EML1: variants seen among roughly 807,000 people sequenced by gnomAD.
The protein encoded by EML1 is EMAP like 1, also known as echinoderm microtubule-associated protein-like 1.
EML1 carries 27 observed loss-of-function variants against 110.4 expected under a neutral mutation model. That is an observed-to-expected ratio of 0.24 (90% CI 0.18 to 0.34). The LOEUF is 0.34. Among genes scored for constraint, EML1 ranks in the 10% least tolerant of loss-of-function variants. The probability of loss-of-function intolerance (pLI) is 1.00; values close to 1 mark genes in which losing one functional copy is unlikely to be tolerated. For missense variants in EML1, 741 were observed against 1,030.9 expected (o/e 0.72, Z 3.85); for synonymous variants, 344 against 385.8 (o/e 0.89, Z 1.27).
intron 1 of EML1, among the ~76,000 whole-genome samples, chr14:99,817,992 G>T (rs1166118592): frequency 6.6e-6 from 1 of 152,174 alleles, no homozygotes; most frequent in Non-Finnish European, 1.5e-5. Context: ...GCCAGTTAAA[G>T]AAGATGGGGG....
chr14:99,821,883 G>T (rs1367553037), intron 1 of EML1, among the ~76,000 whole-genome samples: 3 of 152,230 alleles, frequency 2.0e-5, no homozygotes, highest in Non-Finnish European at 2.9e-5. Flanking sequence ...CAGACCACTG[G>T]CAGGGAATGT....
intron 6 of EML1, 104 bp from the exon 7 acceptor site, chr14:99,897,041 A>T (rs1457397752): frequency 1.2e-5 from 12 of 1,037,842 alleles, no homozygotes; most frequent in Middle Eastern, 2.2e-4. Context: ...AGTGATGCTG[A>T]TGGTAATAGT....
chr14:99,741,175 C>T (rs1034086687), intron 1 of EML1, among the ~76,000 whole-genome samples: 3 of 152,138 alleles, frequency 2.0e-5, no homozygotes, highest in African/African-American at 7.2e-5. Flanking sequence ...GGGCATTTGC[C>T]CTGCTGCAGC....
intron 10 of EML1, among the ~76,000 whole-genome samples, chr14:99,909,050 C>T (rs896982252): frequency 1.3e-5 from 2 of 152,174 alleles, no homozygotes; most frequent in African/African-American, 4.8e-5. Context: ...ATGCTGCATG[C>T]CCACCCCATG....
intron 1 of EML1, among the ~76,000 whole-genome samples, chr14:99,806,567 T>C (rs1291691556): frequency 6.6e-6 from 1 of 152,068 alleles, no homozygotes; most frequent in African/African-American, 2.4e-5. Flanking sequence ...CTGCCCACCT[T>C]GGCCTCCCAA....
At chr14:99,766,234 G>T (rs1021861225) in intron 1 of EML1, among the ~76,000 whole-genome samples, 6 of 135,392 alleles carry the variant, frequency 4.4e-5, no homozygotes, top group African/African-American at 1.6e-4. Flanking sequence ...TCACTCTGTT[G>T]CCCAGGCTGG....
chr14:99,740,698 T>G lies in EML1; in HGVS notation c.28+2838T>G, dbSNP rs536492906. 2.0e-5 allele frequency among the ~76,000 whole-genome samples: 3 copies of G among 152,340 alleles called. No homozygotes were observed. In the South Asian group the frequency reaches 6.2e-4, roughly 32 times the overall value. ...TTTACAGTTGCCTGCATTCTAGGCT[T>G]GGCTCTGTCTCTTCGGGGCAGAGTC... On this transcript the variant is annotated intron_variant, in intron 1 of 10. Coordinates refer to the EML1 transcript ENST00000554479.
rs768839891 is a variant in EML1, at chr14:99,941,198, G to T, written c.*1086G>T. 6.6e-6 allele frequency: 1 copy of T among 152,118 alleles called. No individual in the cohort carries two copies. Among genetic ancestry groups the T allele is most frequent in the Non-Finnish European group, 1.5e-5 (1 of 68,020 alleles). 9.4% of individuals were successfully genotyped at this position (152,118 alleles called of 1,614,324 possible). A position where few individuals can be genotyped will look rare whatever the true frequency, so the allele number is the denominator to read the frequency against. ...GAGGTGGCAGAAATTTGTCAAGAAG[G>T]CCTTATCCATTTCGATTGTGTGACA... On this transcript the variant is annotated 3_prime_UTR_variant, in exon 22 of 22. Coordinates refer to ENST00000262233, the MANE Select transcript of EML1 (RefSeq NM_004434.3).
intron 15 of EML1, among the ~76,000 whole-genome samples, chr14:99,917,309 C>T (rs1444913138): frequency 6.6e-6 from 1 of 152,180 alleles, no homozygotes; most frequent in Admixed American, 6.5e-5. Context: ...ATGGCTTACA[C>T]CTATAATCCC....
chr14:99,937,753 A>G, intron 19 of EML1, 64 bp from the exon 20 acceptor site: 1 of 1,476,656 alleles, frequency 6.8e-7, no homozygotes, highest in Non-Finnish European at 9.4e-7. Context: ...CTGGGGGCTC[A>G]GCCTTGCTTA....
intron 1 of EML1, among the ~76,000 whole-genome samples, chr14:99,797,361 T>C (rs1012452539): frequency 3.9e-5 from 6 of 152,200 alleles, no homozygotes; most frequent in African/African-American, 1.4e-4. Context: ...ATGGGTTATT[T>C]GGGTTATTTC....
intron 1 of EML1, among the ~76,000 whole-genome samples, chr14:99,825,578 C>T (rs1414562246): frequency 6.6e-6 from 1 of 152,142 alleles, no homozygotes; most frequent in Non-Finnish European, 1.5e-5. Context: ...GCCTTATGTT[C>T]ACCTCTCTTC....
In EML1 at chr14:99,937,911, T is replaced by G; in HGVS notation, c.2190T>G (p.Phe730Leu). Residue 730 changes from phenylalanine to leucine, a missense_variant and splice_region_variant, in exon 20 of 22, where the codon TTT (phenylalanine) becomes TTG (leucine). By Grantham distance (22) the Phe-to-Leu change is conservative (BLOSUM62 0). This residue lies in a region of EML1 where 114 missense variants were observed against 122.5 expected (regional missense o/e 0.93). Transcript: ENST00000262233. Reference sequence around the variant, plus strand: ...CCTGCACTTTGGGATTCCATGTTTTTGGTAAGTTTGCTGCAGATTTCACTG... The same window carrying G: ...CCTGCACTTTGGGATTCCATGTTTTGGGTAAGTTTGCTGCAGATTTCACTG... The part of the protein sequence containing the change: ...TYTCTLGFHV[F>L]GVWPEGSDGT... 2 of 1,613,866 alleles carry G rather than the reference T, an allele frequency of 1.2e-6. No individual in the cohort carries two copies. The highest frequency in any genetic ancestry group is 1.1e-5 in the South Asian group (1 of 91,058).
At chr14:99,741,741 G>GC (rs2057045068) in intron 1 of EML1, among the ~76,000 whole-genome samples, 1 of 151,790 alleles carries the variant, frequency 6.6e-6, no homozygotes, top group Non-Finnish European at 1.5e-5. Flanking sequence ...AGAAGGCCTC[G>GC]CCCCCCAATT....
At position 99,781,783 on chromosome 14, in the gene EML1, C is replaced by T. The variant is rs1394911720; in HGVS notation, c.-27+7770C>T. On this transcript the variant is annotated intron_variant, in intron 1 of 22. Coordinates refer to the EML1 transcript ENST00000327921. The surrounding 1 kb of genome is among the most constrained non-coding windows in gnomAD (Gnocchi z 4.2). Reference sequence around the variant, plus strand: ...TTGACATTAACAGAGCTGGATGTCTCATCAGTTTCCAGACATACTGAGTAT... The same window carrying T: ...TTGACATTAACAGAGCTGGATGTCTTATCAGTTTCCAGACATACTGAGTAT... Among the ~76,000 whole-genome samples the T allele has an allele frequency of 1.3e-5, 2 of 152,138 alleles. No individual in the cohort carries two copies. Among genetic ancestry groups the T allele is most frequent in the Non-Finnish European group, 2.9e-5 (2 of 68,028 alleles).
chr14:99,790,005 A>T (rs1348372742), upstream of EML1, among the ~76,000 whole-genome samples: 1 of 151,976 alleles, frequency 6.6e-6, no homozygotes, highest in Non-Finnish European at 1.5e-5. Context: ...TACCTAAGTG[A>T]CTTAACATGC....
chr14:99,902,451 C>T (rs528544675), intron 9 of EML1, among the ~76,000 whole-genome samples: 30 of 152,258 alleles, frequency 2.0e-4, no homozygotes, highest in South Asian at 1.2e-3. Flanking sequence ...AACTTAAAAA[C>T]GACTGATGAA....
At chr14:99,817,963 G>A (rs956540310) in intron 1 of EML1, among the ~76,000 whole-genome samples, 3 of 152,168 alleles carry the variant, frequency 2.0e-5, no homozygotes, top group South Asian at 2.1e-4. Context: ...GAGTTTGGAA[G>A]GGTAGAAGTA....
At chr14:99,854,339 A>G (rs748108356) in intron 2 of EML1, among the ~76,000 whole-genome samples, 1 of 152,262 alleles carries the variant, frequency 6.6e-6, no homozygotes, top group Non-Finnish European at 1.5e-5. Flanking sequence ...ATCATTCTTC[A>G]TATGCCTTGA....
Sources: allele counts gnomAD v4.1 joint callset (sites outside exome capture counted in the v4.1 genomes callset), GRCh38; gene constraint gnomAD v4.1.1; regional missense constraint gnomAD v4.1.1; non-coding constraint Gnocchi (gnomAD v3.1); transcripts MANE v1.5; gene names NCBI Gene and HGNC (gene_info 2026-07-23, HGNC 2026-07-21).